DIP2A: variants seen among roughly 807,000 people sequenced by gnomAD.
DIP2A encodes the protein disco-interacting protein 2 homolog A.
A neutral mutation model predicts 177.4 loss-of-function variants in DIP2A; 85 were observed. The observed-to-expected ratio is 0.48, with a 90% CI of 0.40 to 0.57. The LOEUF is 0.57. Ranked by LOEUF, DIP2A falls within the 20% of genes least tolerant of loss-of-function variation. The pLI is 0.00. For missense variants in DIP2A, 1,791 were observed against 2,100.2 expected (o/e 0.85, Z 2.88); for synonymous variants, 886 against 881.8 (o/e 1.00, Z -0.08).
intron 8 of DIP2A, among the ~76,000 whole-genome samples, chr21:46,521,530 A>G (rs575478276): frequency 1.4e-4 from 22 of 152,322 alleles, no homozygotes; most frequent in African/African-American, 5.3e-4. Context: ...TGCTCAAGGG[A>G]GAAAGCAAAA....
intron 33 of DIP2A, chr21:46,561,159 C>T (rs1328960187): frequency 4.0e-6 from 2 of 504,308 alleles, no homozygotes; most frequent in Non-Finnish European, 5.7e-6. Context: ...AGACAAGTAA[C>T]CCATCTACTG....
chr21:46,519,410 G>A (rs913812982), intron 8 of DIP2A, among the ~76,000 whole-genome samples: 2 of 152,124 alleles, frequency 1.3e-5, no homozygotes, highest in Admixed American at 6.5e-5. Context: ...TGGTTTAAAC[G>A]CCTCTGACAT....
chr21:46,549,321 G>GA (rs546513462), intron 21 of DIP2A, among the ~76,000 whole-genome samples: 1 of 152,064 alleles, frequency 6.6e-6, no homozygotes, highest in Non-Finnish European at 1.5e-5. Context: ...AGGCAACACA[G>GA]AAAAAAGGAG....
chr21:46,482,585 G>A (rs890503237), intron 1 of DIP2A, among the ~76,000 whole-genome samples: 11 of 152,154 alleles, frequency 7.2e-5, no homozygotes, highest in Non-Finnish European at 1.5e-4. Context: ...CTGTCAAACA[G>A]CCTCAGGCAG....
At chr21:46,567,301 C>T (rs2060865108) in intron 37 of DIP2A, 69 bp from the exon 38 acceptor site, 1 of 1,548,376 alleles carries the variant, frequency 6.5e-7, no homozygotes, top group African/African-American at 1.4e-5. Context: ...GCCACCCTTT[C>T]CCAAGCATTC....
downstream of DIP2A, among the ~76,000 whole-genome samples, chr21:46,573,718 G>GAGGT (rs2060980074): frequency 7.3e-6 from 1 of 136,064 alleles, no homozygotes; most frequent in African/African-American, 2.8e-5. Context: ...ACAGGGAGCA[G>GAGGT]AGGTAGCTAT....
intron 8 of DIP2A, among the ~76,000 whole-genome samples, chr21:46,527,888 C>A (rs1390815715): frequency 3.3e-5 from 5 of 152,096 alleles, no homozygotes; most frequent in Non-Finnish European, 7.4e-5. Flanking sequence ...GTCTTCCTGT[C>A]CCATGGTCAC....
chr21:46,496,132 C>T (rs867852310), intron 3 of DIP2A, among the ~76,000 whole-genome samples: 1 of 151,964 alleles, frequency 6.6e-6, no homozygotes, highest in Middle Eastern at 3.4e-3. Flanking sequence ...TGGTCCTGGC[C>T]TCAAACGATC....
intron 13 of DIP2A, among the ~76,000 whole-genome samples, chr21:46,535,793 T>G (rs2059543452): frequency 6.6e-6 from 1 of 152,164 alleles, no homozygotes; most frequent in African/African-American, 2.4e-5. Context: ...TTTGGGTTCT[T>G]TAGCCAGGCG....
At chr21:46,503,168 C>G (rs749471868) in intron 5 of DIP2A, among the ~76,000 whole-genome samples, 5 of 151,976 alleles carry the variant, frequency 3.3e-5, no homozygotes, top group Non-Finnish European at 5.9e-5. Flanking sequence ...ACTAAAAATA[C>G]AAAAATTGGC....
intron 13 of DIP2A, 90 bp downstream of exon 13, chr21:46,534,777 A>G: frequency 8.7e-7 from 1 of 1,151,122 alleles, no homozygotes; most frequent in Non-Finnish European, 1.2e-6. Context: ...TGCACCTGTC[A>G]AAACCACCCC....
In DIP2A at chr21:46,560,773, C is replaced by T. The variant is rs777243506; in HGVS notation, c.4021C>T (p.Arg1341Cys). Residue 1341 changes from arginine to cysteine, a missense_variant, in exon 33 of 38, where the codon CGC becomes TGC. Transcript: ENST00000417564. ...TTVYVDMRAL[R>C]HDRVRLVERG... ...CGTCTACGTGGACATGCGGGCACTG[C>T]GCCATGACAGGTAATGCTCCCAGCC... 18 of 1,606,482 alleles carry T rather than the reference C, an allele frequency of 1.1e-5. No homozygotes were observed. The highest frequency in any genetic ancestry group is 1.3e-5 in the African/African-American group (1 of 74,938).
Position 46,498,618 on chromosome 21 carries a change from G to T in DIP2A, c.440G>T (p.Arg147Leu). 6.2e-7 allele frequency: 1 copy of T among 1,612,318 alleles called. No homozygotes were observed. ...GCCTCAGAAGATGAGGGCTCTTTAC[G>T]GCGACCCGGGCGACTCACCTCCACT... is the stretch of plus-strand genomic sequence containing the variant. ...SSASEDEGSL[R>L]RPGRLTSTPL... The change falls in exon 5 of 38, where the codon CGG becomes CTG. Residue 147 changes from arginine (R) to leucine (L), a missense_variant. Physicochemically the swap from Arg to Leu is moderately radical, Grantham distance 102. Coordinates refer to ENST00000417564, the MANE Select transcript of DIP2A (RefSeq NM_015151.4). This position sits in a 1 kb window ranked among gnomAD's most constrained non-coding sequence, Gnocchi z 4.3.
rs747994488 is a variant in DIP2A, at chr21:46,550,693, T to G, written c.2788T>G (p.Cys930Gly). ...GCTGCACCCGTGTAATGTGCTGATG[T>G]GCCCTCACACCTGTGTTACCAACCT... is the stretch of plus-strand genomic sequence containing the variant. The part of the protein sequence containing the change: ...GTLHPCNVLM[C>G]PHTCVTNLPK... Residue 930 changes from cysteine (C) to glycine (G), a missense_variant, in exon 23 of 38, where the codon TGC becomes GGC. By Grantham distance (159) the Cys-to-Gly change is radical. Coordinates refer to ENST00000417564, the MANE Select transcript of DIP2A (RefSeq NM_015151.4). 1 of 1,614,048 alleles carries G rather than the reference T, an allele frequency of 6.2e-7. No individual in the cohort carries two copies. The highest frequency in any genetic ancestry group is 8.5e-7 in the Non-Finnish European group (1 of 1,179,904).
In DIP2A at chr21:46,537,736, T is replaced by C. The variant is rs1758884499; in HGVS notation, c.1801+197T>C. 6.6e-6 allele frequency among the ~76,000 whole-genome samples: 1 copy of C among 152,172 alleles called. No homozygotes were observed. Among genetic ancestry groups the C allele is most frequent in the South Asian group, 2.1e-4 (1 of 4,828 alleles). ...CTGCCTCTGGCATGGCCCTCAGGGT[T>C]TCGTGGGTGATGTGGTAAGTAGGGC... On this transcript the variant is annotated intron_variant, in intron 15 of 37. Coordinates refer to ENST00000417564, the MANE Select transcript of DIP2A (RefSeq NM_015151.4). The surrounding 1 kb of genome is among the most constrained non-coding windows in gnomAD (Gnocchi z 4.1).
intron 8 of DIP2A, among the ~76,000 whole-genome samples, chr21:46,528,016 CG>C (rs1196130189): frequency 6.6e-6 from 1 of 152,048 alleles, no homozygotes; most frequent in Admixed American, 6.6e-5. Flanking sequence ...ATAGCAGCTG[CG>C]CCAGGAGGGG....
intron 19 of DIP2A, 92 bp downstream of exon 19, chr21:46,545,365 G>A: frequency 6.9e-7 from 1 of 1,443,236 alleles, no homozygotes; most frequent in Non-Finnish European, 9.4e-7. Flanking sequence ...GATTGCAGAG[G>A]CTGCGGGGAT....
intron 11 of DIP2A, 68 bp downstream of exon 11, chr21:46,533,715 A>G (rs942472798): frequency 3.1e-6 from 5 of 1,597,666 alleles, no homozygotes; most frequent in Non-Finnish European, 4.3e-6. Context: ...ATGGTGTTCC[A>G]GAAATTAAAC....
Position 46,556,274 on chromosome 21 carries a change from A to C in DIP2A, c.3498+183A>C. The stretch of plus-strand genomic sequence containing the variant: ...CTAAGATGTGATTAGCCTGAGAGTA[A>C]TGCGTTTTCTGATGCATTATGGTTA... On this transcript the variant is annotated intron_variant, in intron 29 of 37. Coordinates refer to ENST00000417564, the MANE Select transcript of DIP2A (RefSeq NM_015151.4). The surrounding 1 kb of genome is among the most constrained non-coding windows in gnomAD (Gnocchi z 4.5). The C allele has an allele frequency of 4.8e-6, 7 of 1,473,440 alleles. No individual in the cohort carries two copies. The South Asian group carries it at 8.6e-5, about 18-fold the overall frequency. The allele number at this position is 1,473,440 out of a possible 1,614,324, so 91.3% of individuals were successfully genotyped here.
Sources: gnomAD v4.1 joint callset for allele counts (sites outside exome capture counted in the v4.1 genomes callset) on GRCh38, gnomAD v4.1.1 for gene constraint, Gnocchi (gnomAD v3.1) non-coding constraint, MANE v1.5 for transcripts, NCBI Gene and HGNC (gene_info 2026-07-23, HGNC 2026-07-21) for gene names.